Variants in POU3F2 observed in about 807,000 individuals in gnomAD.
The protein encoded by POU3F2 is POU domain, class 3, transcription factor 2.
In POU3F2, 11 loss-of-function variants were observed where a neutral mutation model predicts 33.1. That is an observed-to-expected ratio of 0.33 (90% CI 0.21 to 0.55). The LOEUF (loss-of-function observed/expected upper bound fraction) is 0.55, where lower values mean the gene tolerates loss of function less well. Ranked by LOEUF, POU3F2 falls within the 20% of genes least tolerant of loss-of-function variation. The pLI is 0.91. For synonymous variants in POU3F2, 332 were observed against 289.6 expected (o/e 1.15, Z -1.49); for missense variants, 456 against 620.2 (o/e 0.74, Z 2.81).
Position 98,835,319 on chromosome 6 carries a change from A to G in POU3F2, c.446A>G (p.Gln149Arg), listed in dbSNP as rs1325710393. 6 of 1,545,680 alleles carry G rather than the reference A, an allele frequency of 3.9e-6. No individual in the cohort carries two copies. The Admixed American group carries it at 1.2e-4, about 30-fold the overall frequency. ...QQQQQQQQQQ[Q>R]RPPHLVHHAA... is the part of the protein sequence containing the mutation. Reference sequence around the variant, plus strand: ...CAACAGCAGCAGCAGCAGCAGCAACAGCGGCCGCCGCATCTGGTGCACCAC... The same window carrying G: ...CAACAGCAGCAGCAGCAGCAGCAACGGCGGCCGCCGCATCTGGTGCACCAC... Residue 149 changes from glutamine (Q) to arginine (R), a missense_variant, in exon 1 of 1, where the codon CAG (glutamine) becomes CGG (arginine). Gln to Arg is a conservative substitution (Grantham distance 43). This residue lies in a region of POU3F2 where 341 missense variants were observed against 382.4 expected (regional missense o/e 0.89). Coordinates refer to ENST00000328345, the MANE Select transcript of POU3F2 (RefSeq NM_005604.4). The surrounding 1 kb of genome is among the most constrained non-coding windows in gnomAD (Gnocchi z 9.7).
In POU3F2 at chr6:98,836,082, T is replaced by C. The variant is rs774123151; in HGVS notation, c.1209T>C (p.Cys403=). ...LEKEVVRVWF[C]NRRQKEKRMT... ...AGGAGGTGGTGAGAGTTTGGTTTTG[T>C]AACAGGAGACAGAAAGAGAAAAGGA... Residue 403 remains cysteine, a synonymous_variant, in exon 1 of 1, where the codon TGT becomes TGC. Transcript: ENST00000328345. 6 of 1,602,638 alleles carry C rather than the reference T, an allele frequency of 3.7e-6. No individual in the cohort carries two copies. In the South Asian group the frequency reaches 6.7e-5, roughly 18 times the overall value.
rs1423938681 is a variant in POU3F2, at chr6:98,839,274, A to G, written c.*3069A>G. ...ACTAGGTGGACTTTGATCTCTACCC[A>G]TAGGTCCTCAAATAATTTGGGATCT... On this transcript the variant is annotated 3_prime_UTR_variant, in exon 1 of 1. Coordinates refer to ENST00000328345, the MANE Select transcript of POU3F2 (RefSeq NM_005604.4). 2.6e-5 allele frequency: 4 copies of G among 152,178 alleles called. No homozygotes were observed. The highest frequency in any genetic ancestry group is 2.6e-4 in the Admixed American group (4 of 15,274). 9.4% of individuals were successfully genotyped at this position (152,178 alleles called of 1,614,324 possible).
At position 98,835,518 on chromosome 6, in the gene POU3F2, G is replaced by A. The variant is rs1186214034; in HGVS notation, c.645G>A (p.Leu215=). Residue 215 remains leucine, a synonymous_variant, in exon 1 of 1, where the codon CTG becomes CTA. Transcript: ENST00000328345. This position sits in a 1 kb window ranked among gnomAD's most constrained non-coding sequence, Gnocchi z 9.7. ...CGGCCGGTCTGCACCACCACGGCCT[G>A]CGGGACGCGCACGACGAGCCACACC... ...GQPAGLHHHG[L]RDAHDEPHHA... is the part of the protein sequence containing the mutation. The A allele has an allele frequency of 1.3e-6, 2 of 1,565,042 alleles. No homozygotes were observed. Among genetic ancestry groups the A allele is most frequent in the Admixed American group, 1.8e-5 (1 of 54,452 alleles).
chr6:98,835,640 A>G lies in POU3F2; in HGVS notation c.767A>G (p.His256Arg). ...QGPPGHPGAHHDPHSDEDTPT... is the reference protein window; with the variant it reads ...QGPPGHPGAHRDPHSDEDTPT... ...CCGCCTGGCCACCCAGGCGCGCACCACGACCCGCACTCGGACGAGGACACG... is the reference window on the plus strand; with the variant it reads ...CCGCCTGGCCACCCAGGCGCGCACCGCGACCCGCACTCGGACGAGGACACG... The change falls in exon 1 of 1, where the codon CAC (histidine) becomes CGC (arginine). Residue 256 changes from histidine (H) to arginine (R), a missense_variant. His to Arg is a conservative substitution (Grantham distance 29). This residue lies in a region of POU3F2 where 341 missense variants were observed against 382.4 expected (regional missense o/e 0.89). Coordinates refer to ENST00000328345, the MANE Select transcript of POU3F2 (RefSeq NM_005604.4). The surrounding 1 kb of genome is among the most constrained non-coding windows in gnomAD (Gnocchi z 9.7). 1.2e-6 allele frequency: 2 copies of G among 1,612,954 alleles called. No homozygotes were observed. Among genetic ancestry groups the G allele is most frequent in the Non-Finnish European group, 8.5e-7 (1 of 1,179,830 alleles).
At position 98,836,196 on chromosome 6, in the gene POU3F2, C is replaced by G. The variant is rs760060591; in HGVS notation, c.1323C>G (p.Pro441=). The G allele has an allele frequency of 2.5e-6, 4 of 1,569,484 alleles. No homozygotes were observed. Among genetic ancestry groups the G allele is most frequent in the South Asian group, 1.2e-5 (1 of 82,154 alleles). Residue 441 remains proline, a synonymous_variant, in exon 1 of 1, where the codon CCC becomes CCG. Coordinates refer to ENST00000328345, the MANE Select transcript of POU3F2 (RefSeq NM_005604.4). ...DTPPHHGVQT[P]VQ is the part of the protein sequence containing the mutation. ...CACCACACCACGGGGTGCAGACGCC[C>G]GTCCAGTGAACTCGAGCTGGGGGAG... is the stretch of plus-strand genomic sequence containing the variant.
Position 98,838,722 on chromosome 6 carries a change from C to T in POU3F2, c.*2517C>T, listed in dbSNP as rs558605961. 7.9e-5 allele frequency: 13 copies of T among 164,512 alleles called. No individual in the cohort carries two copies. Among genetic ancestry groups the T allele is most frequent in the African/African-American group, 1.9e-4 (8 of 41,520 alleles). 10.2% of individuals were successfully genotyped at this position (164,512 alleles called of 1,614,324 possible). A position where few individuals can be genotyped will look rare whatever the true frequency, so the allele number is the denominator to read the frequency against. On this transcript the variant is annotated 3_prime_UTR_variant, in exon 1 of 1. Coordinates refer to ENST00000328345, the MANE Select transcript of POU3F2 (RefSeq NM_005604.4). ...GTTGTGCTTGTGGGGAAAATAAAAA[C>T]GCAGAGATCCTTATATATTTATGTT...
At position 98,835,244 on chromosome 6, in the gene POU3F2, TGCAGCA is replaced by T; in HGVS notation, c.378_383del (p.Gln126_Gln127del). 6.5e-7 allele frequency: 1 copy of T among 1,541,180 alleles called. No individual in the cohort carries two copies. Among genetic ancestry groups the T allele is most frequent in the Non-Finnish European group, 8.7e-7 (1 of 1,144,210 alleles). ...GACGAGCTGCACGGGCCAGGCGCCC[TGCAGCA>T]GCAGCATCAGCAGCAGCAACAGCAA... is the stretch of plus-strand genomic sequence containing the variant. On this transcript the variant is annotated inframe_deletion, in exon 1 of 1. Coordinates refer to ENST00000328345, the MANE Select transcript of POU3F2 (RefSeq NM_005604.4). The surrounding 1 kb of genome is among the most constrained non-coding windows in gnomAD (Gnocchi z 9.7).
At position 98,838,479 on chromosome 6, in the gene POU3F2, GTTTC is replaced by G. The variant is rs1208286818; in HGVS notation, c.*2278_*2281del. On this transcript the variant is annotated 3_prime_UTR_variant, in exon 1 of 1. Coordinates refer to ENST00000328345, the MANE Select transcript of POU3F2 (RefSeq NM_005604.4). ...TTTGAAATGCAGAAATAGTTTAAAT[GTTTC>G]TTTGTCTATTTTTCTTTTTTTTTAA... The G allele has an allele frequency of 1.8e-5, 3 of 166,298 alleles. No individual in the cohort carries two copies. Among genetic ancestry groups the G allele is most frequent in the South Asian group, 2.1e-4 (1 of 4,812 alleles). 10.3% of individuals were successfully genotyped at this position (166,298 alleles called of 1,614,324 possible).
Position 98,836,297 on chromosome 6 carries a change from G to T in POU3F2, c.*92G>T. The T allele has an allele frequency of 7.3e-7, 1 of 1,367,216 alleles. No individual in the cohort carries two copies. Among genetic ancestry groups the T allele is most frequent in the South Asian group, 1.6e-5 (1 of 61,232 alleles). 84.7% of individuals were successfully genotyped at this position (1,367,216 alleles called of 1,614,324 possible). On this transcript the variant is annotated 3_prime_UTR_variant, in exon 1 of 1. Coordinates refer to ENST00000328345, the MANE Select transcript of POU3F2 (RefSeq NM_005604.4). ...CCCTCTTGTTCCCTCTCTAACTTCT[G>T]ATTGTTCTTTTATTTTTAATTATTA...
chr6:98,835,833 C>T lies in POU3F2; in HGVS notation c.960C>T (p.Asn320=). The T allele has an allele frequency of 6.2e-7, 1 of 1,614,236 alleles. No individual in the cohort carries two copies. Among genetic ancestry groups the T allele is most frequent in the South Asian group, 1.1e-5 (1 of 91,086 alleles). ...RFEALQLSFK[N]MCKLKPLLNK... is the part of the protein sequence containing the mutation. Reference sequence around the variant, plus strand: ...AGGCCCTGCAGCTGAGCTTCAAGAACATGTGCAAGCTGAAGCCTTTGTTGA... The same window carrying T: ...AGGCCCTGCAGCTGAGCTTCAAGAATATGTGCAAGCTGAAGCCTTTGTTGA... The change falls in exon 1 of 1, where the codon AAC becomes AAT. Residue 320 remains asparagine, a synonymous_variant. Transcript: ENST00000328345. The surrounding 1 kb of genome is among the most constrained non-coding windows in gnomAD (Gnocchi z 9.7).
chr6:98,835,010 G>GATA lies in POU3F2; in HGVS notation c.137_138insATA (p.Gly46_Ala47insTyr). The GATA allele has an allele frequency of 6.3e-7, 1 of 1,584,904 alleles. No homozygotes were observed. The highest frequency in any genetic ancestry group is 8.5e-7 in the Non-Finnish European group (1 of 1,172,254). ...CAGAGCCTGGTGCAGGGCGACTACGGCGCTCTGCAGAGCAACGGACACCCG... is the reference window on the plus strand; with the variant it reads ...CAGAGCCTGGTGCAGGGCGACTACGGATACGCTCTGCAGAGCAACGGACACCCG... On this transcript the variant is annotated inframe_insertion, in exon 1 of 1. Coordinates refer to ENST00000328345, the MANE Select transcript of POU3F2 (RefSeq NM_005604.4). This position sits in a 1 kb window ranked among gnomAD's most constrained non-coding sequence, Gnocchi z 9.7.
chr6:98,836,150 ACGGG>A lies in POU3F2; in HGVS notation c.1278_1281del (p.Tyr426Ter). On this transcript the variant is annotated frameshift_variant, in exon 1 of 1. Transcript: ENST00000328345. LOFTEE classifies it high-confidence loss of function. ...ACTCTGCCGGGCGCCGAGGATGTGT[ACGGG>A]GGGAGTAGGGACACTCCACCACACC... is the stretch of plus-strand genomic sequence containing the variant. 1 of 1,603,802 alleles carries A rather than the reference ACGGG, an allele frequency of 6.2e-7. No homozygotes were observed. Among genetic ancestry groups the A allele is most frequent in the South Asian group, 1.1e-5 (1 of 89,466 alleles).
chr6:98,834,877 G>A lies in POU3F2; in HGVS notation c.4G>A (p.Ala2Thr). The A allele has an allele frequency of 6.3e-7, 1 of 1,598,224 alleles. No homozygotes were observed. Among genetic ancestry groups the A allele is most frequent in the East Asian group, 2.2e-5 (1 of 44,508 alleles). Reference sequence around the variant, plus strand: ...GCTCAGTCCGGCTCCGAGAGTCATGGCGACCGCAGCGTCTAACCACTACAG... The same window carrying A: ...GCTCAGTCCGGCTCCGAGAGTCATGACGACCGCAGCGTCTAACCACTACAG... M[A>T]TAASNHYSLL... Residue 2 changes from alanine to threonine, a missense_variant, in exon 1 of 1, where the codon GCG becomes ACG. Ala to Thr is a moderately conservative substitution (Grantham distance 58). Around this residue, in one of 6 missense-constraint regions of POU3F2, gnomAD observed 341 missense variants for 382.4 expected, o/e 0.89. Coordinates refer to ENST00000328345, the MANE Select transcript of POU3F2 (RefSeq NM_005604.4).
rs185412225 is a variant in POU3F2, at chr6:98,838,257, G to A, written c.*2052G>A. ...CCTGAGGTATGGGAACTGGCCTTTA[G>A]TGAAGCTATCCAGAGCAGGGCAAAT... On this transcript the variant is annotated 3_prime_UTR_variant, in exon 1 of 1. Transcript: ENST00000328345. The A allele has an allele frequency of 6.0e-6, 1 of 167,144 alleles. No homozygotes were observed. Among genetic ancestry groups the A allele is most frequent in the East Asian group, 1.9e-4 (1 of 5,172 alleles). 10.4% of individuals were successfully genotyped at this position (167,144 alleles called of 1,614,324 possible).
rs1310410013 is a variant in POU3F2, at chr6:98,835,106, G to A, written c.233G>A (p.Gly78Glu). The A allele has an allele frequency of 8.3e-7, 1 of 1,209,868 alleles. No homozygotes were observed. 74.9% of individuals were successfully genotyped at this position (1,209,868 alleles called of 1,614,324 possible). A position where few individuals can be genotyped will look rare whatever the true frequency, so the allele number is the denominator to read the frequency against. ...GGCGGCGGGGGCGGTGGCGGCGGCG[G>A]GGGGGGCGGGGGCGGCGGCGGGGGC... ...GGGGGGGGGG[G>E]GGGGGGGGGG... Residue 78 changes from glycine (G) to glutamate (E), a missense_variant, in exon 1 of 1, where the codon GGG (glycine) becomes GAG (glutamate). By Grantham distance (98) the Gly-to-Glu change is moderately conservative (BLOSUM62 -2). Around this residue, in one of 6 missense-constraint regions of POU3F2, gnomAD observed 341 missense variants for 382.4 expected, o/e 0.89. Transcript: ENST00000328345. The surrounding 1 kb of genome is among the most constrained non-coding windows in gnomAD (Gnocchi z 9.7).
rs1479964268 is a variant in POU3F2 at position 98,835,485 on chromosome 6, C to A, written c.612C>A (p.Gly204=). The A allele has an allele frequency of 1.3e-6, 2 of 1,568,152 alleles. No homozygotes were observed. Among genetic ancestry groups the A allele is most frequent in the East Asian group, 2.4e-5 (1 of 40,964 alleles). The change falls in exon 1 of 1, where the codon GGC becomes GGA. Residue 204 remains glycine, a synonymous_variant. Transcript: ENST00000328345. The surrounding 1 kb of genome is among the most constrained non-coding windows in gnomAD (Gnocchi z 9.7). ...CGGTGAACGGCATGCTGGGCGCCGG[C>A]GGGCAGCCGGCCGGTCTGCACCACC... ...SFTVNGMLGA[G]GQPAGLHHHG...
In POU3F2 at chr6:98,834,932, A is replaced by C. The variant is rs1384711537; in HGVS notation, c.59A>C (p.His20Pro). 1 of 1,599,724 alleles carries C rather than the reference A, an allele frequency of 6.3e-7. No individual in the cohort carries two copies. The highest frequency in any genetic ancestry group is 8.5e-7 in the Non-Finnish European group (1 of 1,179,064). Residue 20 changes from histidine to proline, a missense_variant, in exon 1 of 1, where the codon CAC (histidine) becomes CCC (proline). This residue lies in a region of POU3F2 where 341 missense variants were observed against 382.4 expected (regional missense o/e 0.89). Coordinates refer to ENST00000328345, the MANE Select transcript of POU3F2 (RefSeq NM_005604.4). ...SLLTSSASIV[H>P]AEPPGGMQQG... is the part of the protein sequence containing the mutation. ...CTCACCTCCAGCGCCTCCATCGTGC[A>C]CGCCGAGCCGCCCGGCGGCATGCAG...
In POU3F2 at chr6:98,834,887, C is replaced by T; in HGVS notation, c.14C>T (p.Ala5Val). Residue 5 changes from alanine to valine, a missense_variant, in exon 1 of 1, where the codon GCG becomes GTG. Ala to Val is a moderately conservative substitution (Grantham distance 64). Around this residue, in one of 6 missense-constraint regions of POU3F2, gnomAD observed 341 missense variants for 382.4 expected, o/e 0.89. Coordinates refer to ENST00000328345, the MANE Select transcript of POU3F2 (RefSeq NM_005604.4). The stretch of plus-strand genomic sequence containing the variant: ...GCTCCGAGAGTCATGGCGACCGCAG[C>T]GTCTAACCACTACAGCCTGCTCACC... MATA[A>V]SNHYSLLTSS... 6.3e-7 allele frequency: 1 copy of T among 1,598,954 alleles called. No individual in the cohort carries two copies.
Position 98,835,513 on chromosome 6 carries a change from G to T in POU3F2, c.640G>T (p.Gly214Cys). 4 of 1,566,210 alleles carry T rather than the reference G, an allele frequency of 2.6e-6. No homozygotes were observed. The highest frequency in any genetic ancestry group is 3.4e-6 in the Non-Finnish European group (4 of 1,164,254). The part of the protein sequence containing the change: ...GGQPAGLHHH[G>C]LRDAHDEPHH... ...GCAGCCGGCCGGTCTGCACCACCAC[G>T]GCCTGCGGGACGCGCACGACGAGCC... The change falls in exon 1 of 1, where the codon GGC (glycine) becomes TGC (cysteine). Residue 214 changes from glycine to cysteine, a missense_variant. Around this residue, in one of 6 missense-constraint regions of POU3F2, gnomAD observed 341 missense variants for 382.4 expected, o/e 0.89. Coordinates refer to ENST00000328345, the MANE Select transcript of POU3F2 (RefSeq NM_005604.4). The surrounding 1 kb of genome is among the most constrained non-coding windows in gnomAD (Gnocchi z 9.7).
Sources: gnomAD v4.1 joint callset for allele counts on GRCh38, gnomAD v4.1.1 for gene constraint, gnomAD v4.1.1 regional missense constraint, Gnocchi (gnomAD v3.1) non-coding constraint, MANE v1.5 for transcripts, NCBI Gene and HGNC (gene_info 2026-07-23, HGNC 2026-07-21) for gene names.